Variants in ARSG observed in about 807,000 individuals in gnomAD.
The protein encoded by ARSG is arylsulfatase G, also known as ASG.
ARSG carries 37 observed loss-of-function variants against 50.5 expected under a neutral mutation model. The observed-to-expected ratio is 0.73, with a 90% CI of 0.56 to 0.96. The LOEUF is 0.96. Ranked by LOEUF, ARSG falls within the 50% of genes least tolerant of loss-of-function variation. ARSG has a pLI of 0.00. For synonymous variants in ARSG, 225 were observed against 254.6 expected (o/e 0.88, Z 1.11); for missense variants, 629 against 675.3 (o/e 0.93, Z 0.76).
At chr17:68,395,311 G>T in intron 10 of ARSG, 118 bp downstream of exon 10, 1 of 1,473,468 alleles carries the variant, frequency 6.8e-7, no homozygotes, top group South Asian at 1.3e-5. Flanking sequence ...CTGCAGGTCG[G>T]ATACAGTGGC....
chr17:68,345,858 G>A (rs2078477836), intron 3 of ARSG, among the ~76,000 whole-genome samples: 1 of 151,876 alleles, frequency 6.6e-6, no homozygotes, highest in South Asian at 2.1e-4. Context: ...TTCACATAAT[G>A]CTTAATACAT....
At chr17:68,328,111 G>A (rs956204323) in intron 2 of ARSG, among the ~76,000 whole-genome samples, 4 of 152,050 alleles carry the variant, frequency 2.6e-5, no homozygotes, top group African/African-American at 9.7e-5. Flanking sequence ...CAGTGTACAT[G>A]ATACCAGGAT....
rs2080414999 is a variant in ARSG at position 68,381,205 on chromosome 17, C to T, written c.983-3859C>T. Reference sequence around the variant, plus strand: ...TTCCTCCGCGTGGGCAGTGGTGAGTCTTCCCCGGCCTGCCCCTGTCTTCAT... The same window carrying T: ...TTCCTCCGCGTGGGCAGTGGTGAGTTTTCCCCGGCCTGCCCCTGTCTTCAT... On this transcript the variant is annotated intron_variant, in intron 8 of 11. Transcript: ENST00000621439. The surrounding 1 kb of genome is among the most constrained non-coding windows in gnomAD (Gnocchi z 4.1). Among the ~76,000 whole-genome samples the T allele has an allele frequency of 1.3e-5, 2 of 152,154 alleles. No individual in the cohort carries two copies. Among genetic ancestry groups the T allele is most frequent in the Admixed American group, 1.3e-4 (2 of 15,278 alleles).
intron 11 of ARSG, among the ~76,000 whole-genome samples, chr17:68,418,967 T>G (rs1357158534): frequency 6.6e-6 from 1 of 151,498 alleles, no homozygotes; most frequent in African/African-American, 2.4e-5. Flanking sequence ...TATTTAATTA[T>G]GTCATATTTA....
In ARSG at chr17:68,420,596, A is replaced by G. The variant is rs979476262; in HGVS notation, c.*133A>G. ...AGTTTAGTTTTGGAGTTAGCCTTGC[A>G]TATCCCTTCTGTATCCTGTCCCTCC... On this transcript the variant is annotated 3_prime_UTR_variant, in exon 12 of 12. Transcript: ENST00000621439. 7 of 1,075,966 alleles carry G rather than the reference A, an allele frequency of 6.5e-6. No homozygotes were observed. In the Admixed American group the frequency reaches 1.1e-4, roughly 17 times the overall value. The allele number at this position is 1,075,966 out of a possible 1,614,324, so 66.7% of individuals were successfully genotyped here.
At chr17:68,423,483 A>G (rs923150428), downstream of ARSG, among the ~76,000 whole-genome samples, 1 of 152,182 alleles carries the variant, frequency 6.6e-6, no homozygotes, top group East Asian at 1.9e-4. This position sits in a 1 kb window ranked among gnomAD's most constrained non-coding sequence, Gnocchi z 4.4. Context: ...CCCTGCACAC[A>G]GGGGCTGCTT....
the ARSG span, chr17:68,435,609 A>C: frequency 1.9e-6 from 3 of 1,613,650 alleles, no homozygotes; most frequent in Non-Finnish European, 2.5e-6. Context: ...TGTTGGTGGG[A>C]GTGGACTCAC....
downstream of ARSG, among the ~76,000 whole-genome samples, chr17:68,424,738 A>G (rs886318134): frequency 2.0e-5 from 3 of 152,286 alleles, no homozygotes; most frequent in African/African-American, 7.2e-5. Context: ...TTAGTTGGGC[A>G]TGGTGGCGCA....
intron 8 of ARSG, among the ~76,000 whole-genome samples, chr17:68,375,008 C>G (rs1487064547): frequency 6.6e-6 from 1 of 152,126 alleles, no homozygotes; most frequent in African/African-American, 2.4e-5. Flanking sequence ...CTACTGTGTG[C>G]CAGGAACTAT....
chr17:68,316,655 GA>G (rs1555768642), intron 2 of ARSG, among the ~76,000 whole-genome samples: 2 of 152,152 alleles, frequency 1.3e-5, no homozygotes, highest in Non-Finnish European at 2.9e-5. Context: ...TCTGCAATGG[GA>G]AAATAATGGC....
chr17:68,372,329 GATAAA>G (rs999731423), intron 8 of ARSG, among the ~76,000 whole-genome samples: 3 of 152,048 alleles, frequency 2.0e-5, no homozygotes, highest in African/African-American at 4.8e-5. Context: ...TACTCCAAGA[GATAAA>G]ATAAACTCAC....
At chr17:68,437,005 A>AAAT in the ARSG span, among the ~76,000 whole-genome samples, 1 of 107,192 alleles carries the variant, frequency 9.3e-6, no homozygotes, top group East Asian at 2.2e-4. Context: ...AAAAAAAAAA[A>AAAT]ATATATATAT....
At chr17:68,352,177 G>T (rs569761067) in intron 5 of ARSG, among the ~76,000 whole-genome samples, 1 of 150,472 alleles carries the variant, frequency 6.6e-6, no homozygotes. Flanking sequence ...GAGAGAGAGA[G>T]AGAGAGACAG....
the ARSG span, chr17:68,450,712 G>A: frequency 6.3e-7 from 1 of 1,599,488 alleles, no homozygotes; most frequent in Non-Finnish European, 8.5e-7. Flanking sequence ...AAACCCTGAG[G>A]GATTTCCCCA....
chr17:68,280,642 T>C (rs2075664538), intron 1 of ARSG, among the ~76,000 whole-genome samples: 1 of 152,074 alleles, frequency 6.6e-6, no homozygotes, highest in African/African-American at 2.4e-5. Context: ...CAACTAAAAA[T>C]GGATCAAAGA....
intron 3 of ARSG, among the ~76,000 whole-genome samples, chr17:68,346,234 C>T (rs1256379868): frequency 6.6e-6 from 1 of 151,992 alleles, no homozygotes; most frequent in African/African-American, 2.4e-5. Context: ...TCCCATAGAG[C>T]AGTTGCAGGG....
At chr17:68,398,531 G>A (rs976365919) in intron 10 of ARSG, among the ~76,000 whole-genome samples, 4 of 152,056 alleles carry the variant, frequency 2.6e-5, no homozygotes, top group African/African-American at 9.7e-5. Context: ...ATACATCCTG[G>A]GCTTACAAGG....
chr17:68,296,675 A>G (rs1327663464), intron 1 of ARSG, among the ~76,000 whole-genome samples: 1 of 152,100 alleles, frequency 6.6e-6, no homozygotes, highest in Non-Finnish European at 1.5e-5. Flanking sequence ...TCATCCGTCC[A>G]TCCACCCAAG....
At chr17:68,400,690 T>C (rs2081433739) in intron 10 of ARSG, 1 of 152,228 alleles carries the variant, frequency 6.6e-6, no homozygotes, top group African/African-American at 2.4e-5. Flanking sequence ...GTGCTTGGTT[T>C]AAAGCTCTGC....
Sources: allele counts gnomAD v4.1 joint callset (sites outside exome capture counted in the v4.1 genomes callset), GRCh38; gene constraint gnomAD v4.1.1; non-coding constraint Gnocchi (gnomAD v3.1); transcripts MANE v1.5; gene names NCBI Gene and HGNC (gene_info 2026-07-23, HGNC 2026-07-21).